The following ARHGEF11 variants were observed in gnomAD, a reference collection of about 807,000 sequenced individuals.
ARHGEF11 encodes the protein Rho guanine nucleotide exchange factor 11, also known as Rho guanine exchange factor (GEF) 11.
ARHGEF11 carries 55 observed loss-of-function variants against 193.7 expected under a neutral mutation model. The ratio of observed to expected loss-of-function variants is 0.28; its 90% CI spans 0.23 to 0.36. The LOEUF is 0.36. ARHGEF11 is among the 10% of genes least tolerant of loss of function. The probability of loss-of-function intolerance (pLI) is 1.00; values close to 1 mark genes in which losing one functional copy is unlikely to be tolerated. For missense variants in ARHGEF11, 1,723 were observed against 2,005.6 expected (o/e 0.86, Z 2.69); for synonymous variants, 693 against 768.0 (o/e 0.90, Z 1.62).
intron 6 of ARHGEF11, 112 bp from the exon 7 acceptor site, chr1:156,977,166 A>C: frequency 1.1e-6 from 1 of 920,310 alleles, no homozygotes; most frequent in Non-Finnish European, 1.8e-6. Context: ...AGCCTGGATC[A>C]TAAGTATGTT....
At chr1:157,015,322 G>A (rs894599716) in intron 1 of ARHGEF11, among the ~76,000 whole-genome samples, 2 of 152,148 alleles carry the variant, frequency 1.3e-5, no homozygotes, top group African/African-American at 4.8e-5. Flanking sequence ...TTAATGCTCT[G>A]TCTCATTATA....
At chr1:156,954,526 T>C (rs1436735430) in intron 21 of ARHGEF11, among the ~76,000 whole-genome samples, 2 of 151,710 alleles carry the variant, frequency 1.3e-5, no homozygotes, top group African/African-American at 4.9e-5. Context: ...TGTGACTGAA[T>C]TATAGAGAAA....
rs1252657094 is a variant in ARHGEF11, at chr1:156,948,501, G to T, written c.1926-3C>A. 1.2e-6 allele frequency: 2 copies of T among 1,614,120 alleles called. No homozygotes were observed. Among genetic ancestry groups the T allele is most frequent in the Admixed American group, 1.7e-5 (1 of 60,028 alleles). ...CCAGGCGAATCTCTGAGCGTGAACTGGGGGGAAGGGACAAAAGACTTTGGG... is the reference window on the plus strand; with the variant it reads ...CCAGGCGAATCTCTGAGCGTGAACTTGGGGGAAGGGACAAAAGACTTTGGG... On this transcript the variant is annotated splice_polypyrimidine_tract_variant and splice_region_variant and intron_variant, in intron 22 of 40. Coordinates refer to ENST00000368194, the MANE Select transcript of ARHGEF11 (RefSeq NM_198236.3). The surrounding 1 kb of genome is among the most constrained non-coding windows in gnomAD (Gnocchi z 4.2).
At position 156,936,011 on chromosome 1, in the gene ARHGEF11, G is replaced by C; in HGVS notation, c.4678C>G (p.Pro1560Ala). 8 of 1,613,606 alleles carry C rather than the reference G, an allele frequency of 5.0e-6. No individual in the cohort carries two copies. The highest frequency in any genetic ancestry group is 4.4e-5 in the South Asian group (4 of 91,002). Reference sequence around the variant, plus strand: ...GGTGGTTTGTACGGTTATGGTCCTGGTGACGCGGCTGCGTCTGCTGTGCTG... The same window carrying C: ...GGTGGTTTGTACGGTTATGGTCCTGCTGACGCGGCTGCGTCTGCTGTGCTG... The part of the protein sequence containing the change: ...EDSTADAAAS[P>A]GP The change falls in exon 41 of 41, where the codon CCA becomes GCA. Residue 1560 changes from proline to alanine, a missense_variant. Around this residue, in one of 5 missense-constraint regions of ARHGEF11, gnomAD observed 360 missense variants for 344.4 expected, o/e 1.05. Transcript: ENST00000368194.
Position 156,978,250 on chromosome 1 carries a change from G to A in ARHGEF11, c.464C>T (p.Pro155Leu). 6.2e-7 allele frequency: 1 copy of A among 1,614,194 alleles called. No individual in the cohort carries two copies. Among genetic ancestry groups the A allele is most frequent in the Non-Finnish European group, 8.5e-7 (1 of 1,180,018 alleles). ...GATGCGTTGTGGAGGTGGTAGAGGT[G>A]GAGGAGGTGGTGGTGAGGGGATCAC... ...TSVIPSPPPP[P>L]PLPPPQRITG... The change falls in exon 6 of 41, where the codon CCA becomes CTA. Residue 155 changes from proline to leucine, a missense_variant. Transcript: ENST00000368194.
At chr1:157,038,551 C>T (rs1672353530) in intron 1 of ARHGEF11, among the ~76,000 whole-genome samples, 1 of 152,184 alleles carries the variant, frequency 6.6e-6, no homozygotes, top group African/African-American at 2.4e-5. Context: ...AACCATCCTC[C>T]AGAGATCACT....
At position 156,938,407 on chromosome 1, in the gene ARHGEF11, A is replaced by T; in HGVS notation, c.4192+11T>A. 1 of 1,611,006 alleles carries T rather than the reference A, an allele frequency of 6.2e-7. No individual in the cohort carries two copies. Among genetic ancestry groups the T allele is most frequent in the East Asian group, 2.2e-5 (1 of 44,722 alleles). On this transcript the variant is annotated intron_variant, in intron 38 of 40. Coordinates refer to ENST00000368194, the MANE Select transcript of ARHGEF11 (RefSeq NM_198236.3). The stretch of plus-strand genomic sequence containing the variant: ...TTGGCCTGTCTTTAGCTCCAAGGAG[A>T]AAGTTATTACCCGTAGCCTTTGTTC...
chr1:156,986,728 T>C (rs1227952423), intron 1 of ARHGEF11, among the ~76,000 whole-genome samples: 1 of 152,138 alleles, frequency 6.6e-6, no homozygotes, highest in African/African-American at 2.4e-5. Flanking sequence ...CTTCATCTCT[T>C]TGTCCCTCAA....
intron 37 of ARHGEF11, chr1:156,938,745 C>T: frequency 2.0e-6 from 1 of 504,598 alleles, no homozygotes; most frequent in Non-Finnish European, 3.5e-6. Flanking sequence ...ACCCAGGAGA[C>T]AGGTGGCCCT....
Position 156,939,772 on chromosome 1 carries a change from C to A in ARHGEF11, c.3872G>T (p.Gly1291Val), listed in dbSNP as rs1200445744. The A allele has an allele frequency of 1.9e-6, 3 of 1,613,890 alleles. No individual in the cohort carries two copies. Among genetic ancestry groups the A allele is most frequent in the East Asian group, 4.5e-5 (2 of 44,872 alleles). Residue 1291 changes from glycine (G) to valine (V), a missense_variant, in exon 37 of 41, where the codon GGC becomes GTC. Coordinates refer to ENST00000368194, the MANE Select transcript of ARHGEF11 (RefSeq NM_198236.3). ...ISVTSHPWDP[G>V]SPGQAPPGGE... ...CCCAGGGGGTGCTTGCCCTGGGGAG[C>A]CTGGGTCCCAGGGGTGAGAGGTGAC...
chr1:156,963,769 T>C (rs757056636), intron 11 of ARHGEF11, 175 bp from the exon 12 acceptor site: 46 of 1,427,690 alleles, frequency 3.2e-5, no homozygotes, highest in Non-Finnish European at 3.9e-5. Flanking sequence ...TGATTTCCAC[T>C]TGCAGGAAGT....
intron 1 of ARHGEF11, among the ~76,000 whole-genome samples, chr1:157,038,029 CAAAAAA>C (rs145416871): frequency 0.012 from 542 of 45,494 alleles, 4 homozygotes; most frequent in South Asian, 0.094. Context: ...AAGACTGTCT[CAAAAAA>C]AAAAAAAAAA....
intron 1 of ARHGEF11, among the ~76,000 whole-genome samples, chr1:156,989,459 C>A (rs1355724977): frequency 6.6e-6 from 1 of 152,148 alleles, no homozygotes; most frequent in Non-Finnish European, 1.5e-5. Flanking sequence ...AAGAACTTAT[C>A]ATTTCTCTCC....
upstream of ARHGEF11, among the ~76,000 whole-genome samples, chr1:157,046,331 C>G (rs1189629919): frequency 6.6e-6 from 1 of 152,064 alleles, no homozygotes; most frequent in Non-Finnish European, 1.5e-5. Context: ...CCTTTGTTTC[C>G]TACCCCCTGC....
At chr1:156,994,396 T>TTA (rs1553220957) in intron 1 of ARHGEF11, among the ~76,000 whole-genome samples, 1 of 151,046 alleles carries the variant, frequency 6.6e-6, no homozygotes, top group Non-Finnish European at 1.5e-5. Flanking sequence ...TTGTGTGTTT[T>TTA]TTTTTTTTTT....
At chr1:156,985,116 A>C (rs577022661) in intron 2 of ARHGEF11, among the ~76,000 whole-genome samples, 1 of 152,140 alleles carries the variant, frequency 6.6e-6, no homozygotes, top group African/African-American at 2.4e-5. Flanking sequence ...GACATCGTAC[A>C]TGTGTATGAG....
intron 22 of ARHGEF11, among the ~76,000 whole-genome samples, chr1:156,949,385 C>G (rs996745806): frequency 6.6e-6 from 1 of 152,156 alleles, no homozygotes; most frequent in African/African-American, 2.4e-5. Flanking sequence ...GGCTGGTTTT[C>G]TGATATTATT....
At chr1:156,993,530 C>T (rs1420536288) in intron 1 of ARHGEF11, among the ~76,000 whole-genome samples, 3 of 152,120 alleles carry the variant, frequency 2.0e-5, no homozygotes, top group Admixed American at 1.3e-4. Flanking sequence ...TATTCCTGGG[C>T]CCTTCCCTAA....
intron 1 of ARHGEF11, among the ~76,000 whole-genome samples, chr1:157,019,142 T>A (rs1022954689): frequency 2.0e-5 from 3 of 152,184 alleles, no homozygotes; most frequent in Admixed American, 2.0e-4. Flanking sequence ...TTGGATTTCA[T>A]CAAAATTAAG....
Sources: gnomAD v4.1 joint callset for allele counts (sites outside exome capture counted in the v4.1 genomes callset) on GRCh38, gnomAD v4.1.1 for gene constraint, gnomAD v4.1.1 regional missense constraint, Gnocchi (gnomAD v3.1) non-coding constraint, MANE v1.5 for transcripts, NCBI Gene and HGNC (gene_info 2026-07-23, HGNC 2026-07-21) for gene names.